Variants in PCDH9 observed in about 807,000 individuals in gnomAD.
The protein encoded by PCDH9 is protocadherin 9.
PCDH9 carries 24 observed loss-of-function variants against 70.6 expected under a neutral mutation model. That is an observed-to-expected ratio of 0.34 (90% CI 0.25 to 0.48). PCDH9 has a LOEUF of 0.48. Among genes scored for constraint, PCDH9 ranks in the 20% least tolerant of loss-of-function variants. PCDH9 has a pLI of 0.99. For missense variants in PCDH9, 1,281 were observed against 1,503.6 expected (o/e 0.85, Z 2.45); for synonymous variants, 562 against 558.5 (o/e 1.01, Z -0.09).
chr13:66,686,598 A>C (rs2078406148), intron 3 of PCDH9, among the ~76,000 whole-genome samples: 1 of 152,226 alleles, frequency 6.6e-6, no homozygotes, highest in Non-Finnish European at 1.5e-5. Context: ...TGCACTGTTC[A>C]GAATGTTTAC....
chr13:66,732,901 C>A (rs1679660340), intron 3 of PCDH9, among the ~76,000 whole-genome samples: 1 of 152,010 alleles, frequency 6.6e-6, no homozygotes, highest in Non-Finnish European at 1.5e-5. Context: ...GTTCTAAGAG[C>A]TTCCTTTACA....
At chr13:66,438,314 C>A (rs1957914402) in intron 4 of PCDH9, among the ~76,000 whole-genome samples, 2 of 151,448 alleles carry the variant, frequency 1.3e-5, no homozygotes, top group South Asian at 4.2e-4. Context: ...TAAAATTTTT[C>A]TTTTTATTTA....
chr13:67,094,499 C>A (rs574746373), intron 2 of PCDH9, among the ~76,000 whole-genome samples: 1 of 152,130 alleles, frequency 6.6e-6, no homozygotes, highest in South Asian at 2.1e-4. Flanking sequence ...TGACTCCTAC[C>A]CTTAGAAACA....
At chr13:66,916,549 G>A (rs116619124) in intron 2 of PCDH9, among the ~76,000 whole-genome samples, 3,699 of 151,604 alleles carry the variant, frequency 0.024, 152 homozygotes, top group African/African-American at 0.084. Context: ...GGAGGATCTG[G>A]TGAGTTTAAA....
intron 2 of PCDH9, among the ~76,000 whole-genome samples, chr13:67,187,614 CTA>C (rs1324109598): frequency 6.6e-6 from 1 of 151,940 alleles, no homozygotes; most frequent in African/African-American, 2.4e-5. Context: ...TATCACAGTT[CTA>C]TGATTATTGA....
chr13:66,747,307 C>T (rs907830909), intron 3 of PCDH9, among the ~76,000 whole-genome samples: 14 of 152,128 alleles, frequency 9.2e-5, no homozygotes, highest in Admixed American at 8.5e-4. Context: ...GCCAAGATCG[C>T]ACCATTGCAC....
At chr13:66,881,929 T>C (rs1019638042) in intron 3 of PCDH9, among the ~76,000 whole-genome samples, 1 of 152,204 alleles carries the variant, frequency 6.6e-6, no homozygotes, top group African/African-American at 2.4e-5. Flanking sequence ...TAAAAATACA[T>C]GACCTGTTCT....
At chr13:67,098,054 CACAA>C (rs1456809068) in intron 2 of PCDH9, among the ~76,000 whole-genome samples, 2 of 152,130 alleles carry the variant, frequency 1.3e-5, no homozygotes, top group South Asian at 2.1e-4. Flanking sequence ...AAAACGCTTA[CACAA>C]ACAATTTCTG....
chr13:66,779,974 A>C (rs1301486810), intron 3 of PCDH9, among the ~76,000 whole-genome samples: 1 of 151,014 alleles, frequency 6.6e-6, no homozygotes. Flanking sequence ...AGGGTGATAT[A>C]GGTCAAAGGA....
intron 2 of PCDH9, among the ~76,000 whole-genome samples, chr13:67,103,657 T>C (rs994512169): frequency 2.6e-5 from 4 of 152,132 alleles, no homozygotes; most frequent in African/African-American, 9.7e-5. Flanking sequence ...ACTTTTACAG[T>C]AAGGGAAATT....
At chr13:66,844,850 G>C (rs1292639363) in intron 3 of PCDH9, among the ~76,000 whole-genome samples, 2 of 151,862 alleles carry the variant, frequency 1.3e-5, no homozygotes, top group African/African-American at 2.4e-5. Flanking sequence ...TACTCTCTAG[G>C]GCAAAGAAAA....
intron 4 of PCDH9, among the ~76,000 whole-genome samples, chr13:66,604,343 T>A (rs530931793): frequency 4.6e-5 from 7 of 152,244 alleles, no homozygotes; most frequent in African/African-American, 1.7e-4. Context: ...ATATTATACA[T>A]ATAATTTAAA....
chr13:66,495,179 A>T (rs7334257), intron 4 of PCDH9, among the ~76,000 whole-genome samples: 1 of 152,036 alleles, frequency 6.6e-6, no homozygotes, highest in Non-Finnish European at 1.5e-5. Flanking sequence ...GTAAGTACAA[A>T]AAGAAAATTA....
intron 3 of PCDH9, among the ~76,000 whole-genome samples, chr13:66,670,690 T>G (rs936979556): frequency 6.6e-6 from 1 of 152,128 alleles, no homozygotes; most frequent in African/African-American, 2.4e-5. Flanking sequence ...TAATTTTGCC[T>G]GTTTTCATAC....
chr13:66,751,449 C>T (rs1382822513), intron 3 of PCDH9, among the ~76,000 whole-genome samples: 2 of 152,100 alleles, frequency 1.3e-5, no homozygotes, highest in Admixed American at 1.3e-4. Flanking sequence ...ATTTTAGAAG[C>T]CCCTCCTACT....
chr13:66,709,507 A>T (rs1252501643), intron 3 of PCDH9, among the ~76,000 whole-genome samples: 2 of 152,168 alleles, frequency 1.3e-5, no homozygotes, highest in African/African-American at 4.8e-5. Context: ...CCCATTACCT[A>T]GAAGGTAAGT....
chr13:67,145,320 G>T (rs767860911), intron 2 of PCDH9, among the ~76,000 whole-genome samples: 4 of 151,966 alleles, frequency 2.6e-5, no homozygotes. Flanking sequence ...TCTCTATTAA[G>T]ATGCTTAGGT....
intron 3 of PCDH9, among the ~76,000 whole-genome samples, chr13:66,820,063 T>C (rs908578158): frequency 1.3e-5 from 2 of 152,164 alleles, no homozygotes; most frequent in Non-Finnish European, 2.9e-5. Flanking sequence ...ATAAGTATGA[T>C]ATAATGAATA....
rs193010459 is a variant in PCDH9 at position 66,959,906 on chromosome 13, A to G, written c.3037-56301T>C. Among the ~76,000 whole-genome samples the G allele has an allele frequency of 1.9e-3, 292 of 152,324 alleles. 1 individual carries two copies. The highest frequency in any genetic ancestry group is 6.8e-3 in the African/African-American group (281 of 41,574). The stretch of plus-strand genomic sequence containing the variant: ...TATGAAATACTTGAGACTCTATGTC[A>G]AAGTTTTTCACAGTTTCTGAACCCA... On this transcript the variant is annotated intron_variant, in intron 2 of 4. Transcript: ENST00000377865.
Sources: gnomAD v4.1 joint callset for allele counts (sites outside exome capture counted in the v4.1 genomes callset) on GRCh38, gnomAD v4.1.1 for gene constraint, MANE v1.5 for transcripts, NCBI Gene and HGNC (gene_info 2026-07-23, HGNC 2026-07-21) for gene names.